KCNQ1: variants seen among roughly 807,000 people sequenced by gnomAD.
KCNQ1 encodes potassium voltage-gated channel subfamily KQT member 1.
A neutral mutation model predicts 72.4 loss-of-function variants in KCNQ1; 49 were observed. That is an observed-to-expected ratio of 0.68 (90% CI 0.54 to 0.86). KCNQ1 has a LOEUF of 0.86. KCNQ1 is among the 40% of genes least tolerant of loss of function. The probability of loss-of-function intolerance (pLI) is 0.00; values close to 1 mark genes in which losing one functional copy is unlikely to be tolerated. For missense variants in KCNQ1, 790 were observed against 945.1 expected, an observed-to-expected ratio of 0.84 and a Z score of 2.15; for synonymous variants, 450 against 412.6, an observed-to-expected ratio of 1.09 and a Z score of -1.10.
intron 1 of KCNQ1, among the ~76,000 whole-genome samples, chr11:2,480,784 A>G (rs923730897): frequency 6.6e-6 from 1 of 151,872 alleles, no homozygotes; most frequent in Non-Finnish European, 1.5e-5. Flanking sequence ...GATTTTGACA[A>G]CAGTACCACA....
chr11:2,688,064 T>A (rs1289500234), intron 11 of KCNQ1: 1 of 398,876 alleles, frequency 2.5e-6, no homozygotes, highest in Non-Finnish European at 4.4e-6. Context: ...GCCATGGAGT[T>A]GGTGCTTCTA....
At chr11:2,470,416 G>T (rs138086462) in intron 1 of KCNQ1, among the ~76,000 whole-genome samples, 2,371 of 152,256 alleles carry the variant, frequency 0.016, 37 homozygotes, top group South Asian at 0.055. Context: ...TTTTACAGAA[G>T]ACGTATATTG....
At chr11:2,779,567 C>T (rs1376952960) in intron 15 of KCNQ1, among the ~76,000 whole-genome samples, 8 of 152,164 alleles carry the variant, frequency 5.3e-5, no homozygotes, top group African/African-American at 9.7e-5. Context: ...CGCCTTTCCC[C>T]GCCACTCCCT....
intron 11 of KCNQ1, among the ~76,000 whole-genome samples, chr11:2,709,704 T>C (rs1444031401): frequency 6.6e-6 from 1 of 152,178 alleles, no homozygotes; most frequent in Non-Finnish European, 1.5e-5. Flanking sequence ...GGTTTGCCTG[T>C]TCTGAACATT....
chr11:2,789,404 C>G (rs1846974439), intron 15 of KCNQ1, among the ~76,000 whole-genome samples: 1 of 152,232 alleles, frequency 6.6e-6, no homozygotes, highest in South Asian at 2.1e-4. Context: ...TGTCATGTGA[C>G]AAGCTCAAAG....
At chr11:2,472,238 GGTGT>G (rs970545111) in intron 1 of KCNQ1, among the ~76,000 whole-genome samples, 1 of 149,602 alleles carries the variant, frequency 6.7e-6, no homozygotes, top group Non-Finnish European at 1.5e-5. Flanking sequence ...TGTATATATG[GGTGT>G]GTGTGCACCC....
At position 2,658,129 on chromosome 11, in the gene KCNQ1, T is replaced by C. The variant is rs1164485874; in HGVS notation, c.1394-3832T>C. The C allele has an allele frequency of 2.5e-6, 1 of 398,574 alleles. No individual in the cohort carries two copies. Among genetic ancestry groups the C allele is most frequent in the African/African-American group, 2.1e-5 (1 of 48,748 alleles). The allele number at this position is 398,574 out of a possible 1,614,324, so 24.7% of individuals were successfully genotyped here. ...GAGTATCAAAAAAAATCTGCAAATA[T>C]GTTAAAACTACCACAGCAATTAAAA... On this transcript the variant is annotated intron_variant, in intron 10 of 15. Transcript: ENST00000155840. This position sits in a 1 kb window ranked among gnomAD's most constrained non-coding sequence, Gnocchi z 4.9.
intron 15 of KCNQ1, among the ~76,000 whole-genome samples, chr11:2,804,063 G>A (rs764083437): frequency 3.9e-5 from 6 of 152,144 alleles, no homozygotes; most frequent in Non-Finnish European, 7.4e-5. Context: ...GAGGAGCCTG[G>A]AGCTCCTTCT....
At chr11:2,846,212 A>G (rs1231965302) in intron 15 of KCNQ1, among the ~76,000 whole-genome samples, 1 of 152,170 alleles carries the variant, frequency 6.6e-6, no homozygotes, top group Non-Finnish European at 1.5e-5. Flanking sequence ...GGACCGGGCC[A>G]GCTCCCGCCT....
At chr11:2,794,481 T>C (rs1847091398) in intron 15 of KCNQ1, among the ~76,000 whole-genome samples, 1 of 151,686 alleles carries the variant, frequency 6.6e-6, no homozygotes. Context: ...GGGAAGGCAG[T>C]GAGGGAAGCC....
Position 2,698,402 on chromosome 11 carries a change from T to C in KCNQ1, c.1514+36321T>C. On this transcript the variant is annotated intron_variant, in intron 11 of 15. Transcript: ENST00000155840. This position sits in a 1 kb window ranked among gnomAD's most constrained non-coding sequence, Gnocchi z 5.1. Reference sequence around the variant, plus strand: ...GGGACCACAGTGGGGTACTGGGATCTGAACATAGTGGTGGCCCTTCAAGCC... The same window carrying C: ...GGGACCACAGTGGGGTACTGGGATCCGAACATAGTGGTGGCCCTTCAAGCC... The C allele has an allele frequency of 2.5e-6, 1 of 397,908 alleles. No individual in the cohort carries two copies. The highest frequency in any genetic ancestry group is 4.4e-6 in the Non-Finnish European group (1 of 225,998). The allele number at this position is 397,908 out of a possible 1,614,324, so 24.6% of individuals were successfully genotyped here.
chr11:2,553,154 T>G (rs971284485), intron 2 of KCNQ1, among the ~76,000 whole-genome samples: 4 of 129,722 alleles, frequency 3.1e-5, no homozygotes, highest in African/African-American at 1.5e-4. Flanking sequence ...GTTTTTGGGG[T>G]TTTTTTTGTT....
intron 1 of KCNQ1, among the ~76,000 whole-genome samples, chr11:2,455,345 G>A (rs565096817): frequency 7.2e-5 from 11 of 152,264 alleles, no homozygotes; most frequent in East Asian, 3.9e-4. Flanking sequence ...TGATCCACCC[G>A]CCTTGGCCTC....
intron 1 of KCNQ1, among the ~76,000 whole-genome samples, chr11:2,490,877 G>T (rs978082200): frequency 2.0e-5 from 3 of 151,938 alleles, no homozygotes; most frequent in East Asian, 2.0e-4. Context: ...TTGTTTGTTT[G>T]TTTGTTTTAG....
Position 2,521,570 on chromosome 11 carries a change from G to A in KCNQ1, c.387-6358G>A, listed in dbSNP as rs568812631. Reference sequence around the variant, plus strand: ...CCCCGGGGTTTCAGCTTCGACCCTGGGTGAGTTCCATGGTGCAGTGGCTTC... The same window carrying A: ...CCCCGGGGTTTCAGCTTCGACCCTGAGTGAGTTCCATGGTGCAGTGGCTTC... On this transcript the variant is annotated intron_variant, in intron 1 of 15. Coordinates refer to ENST00000155840, the MANE Select transcript of KCNQ1 (RefSeq NM_000218.3). 9.8e-4 allele frequency: 461 copies of A among 470,616 alleles called. No homozygotes were observed. The highest frequency in any genetic ancestry group is 8.5e-3 in the African/African-American group (429 of 50,210). 29.2% of individuals were successfully genotyped at this position (470,616 alleles called of 1,614,324 possible).
At position 2,538,403 on chromosome 11, in the gene KCNQ1, G is replaced by C. The variant is rs1847770805; in HGVS notation, c.477+10385G>C. On this transcript the variant is annotated intron_variant, in intron 2 of 15. Coordinates refer to ENST00000155840, the MANE Select transcript of KCNQ1 (RefSeq NM_000218.3). The surrounding 1 kb of genome is among the most constrained non-coding windows in gnomAD (Gnocchi z 6.7). ...TCACAGGCCCCTCTGTGGGGCCCAG[G>C]GCAGAGGCAGCAGGCAGGCTGTCTC... Among the ~76,000 whole-genome samples, 1 of 152,124 alleles carries C rather than the reference G, an allele frequency of 6.6e-6. No individual in the cohort carries two copies. Among genetic ancestry groups the C allele is most frequent in the Non-Finnish European group, 1.5e-5 (1 of 68,022 alleles).
At chr11:2,820,143 A>G (rs1221513257) in intron 15 of KCNQ1, among the ~76,000 whole-genome samples, 1 of 151,922 alleles carries the variant, frequency 6.6e-6, no homozygotes, top group Non-Finnish European at 1.5e-5. Flanking sequence ...TTCTTTTTCT[A>G]GCTTCTTGAG....
rs942196731 is a variant in KCNQ1, at chr11:2,725,769, C to A, written c.1515-43075C>A. 2.0e-5 allele frequency among the ~76,000 whole-genome samples: 3 copies of A among 152,000 alleles called. No homozygotes were observed. The highest frequency in any genetic ancestry group is 4.4e-5 in the Non-Finnish European group (3 of 67,996). On this transcript the variant is annotated intron_variant, in intron 11 of 15. Transcript: ENST00000155840. This position sits in a 1 kb window ranked among gnomAD's most constrained non-coding sequence, Gnocchi z 7.2. ...CTGTCAGCTTGTGTGAAAGCTATCT[C>A]CCCCAGGCCCCACCCCCGCCCCCAC...
chr11:2,692,549 G>T (rs1419589280), intron 11 of KCNQ1: 1 of 398,666 alleles, frequency 2.5e-6, no homozygotes. Flanking sequence ...CCCTTGGCCT[G>T]CCCCTGCCAC....
Sources: gnomAD v4.1 joint callset for allele counts (sites outside exome capture counted in the v4.1 genomes callset) on GRCh38, gnomAD v4.1.1 for gene constraint, Gnocchi (gnomAD v3.1) non-coding constraint, MANE v1.5 for transcripts, NCBI Gene and HGNC (gene_info 2026-07-23, HGNC 2026-07-21) for gene names.